SBF2: variants seen among roughly 807,000 people sequenced by gnomAD.
SBF2 encodes the protein myotubularin-related protein 13.
Under a neutral mutation model 225.2 loss-of-function variants are expected in SBF2, and 112 were observed. That is an observed-to-expected ratio of 0.50 (90% confidence interval 0.43 to 0.58). SBF2 has a LOEUF of 0.58. Ranked by LOEUF, SBF2 falls within the 20% of genes least tolerant of loss-of-function variation. The probability of loss-of-function intolerance (pLI) is 0.00; values close to 1 mark genes in which losing one functional copy is unlikely to be tolerated. For synonymous variants in SBF2, 763 were observed against 773.3 expected (o/e 0.99, Z 0.22); for missense variants, 1,996 against 2,206.2 (o/e 0.90, Z 1.91).
At chr11:10,077,979 A>G (rs1951189079) in intron 2 of SBF2, among the ~76,000 whole-genome samples, 1 of 152,262 alleles carries the variant, frequency 6.6e-6, no homozygotes, top group Non-Finnish European at 1.5e-5. Flanking sequence ...TGGGCAAAGG[A>G]TATGAACAGA....
At chr11:9,931,500 A>G (rs1178293664) in intron 16 of SBF2, among the ~76,000 whole-genome samples, 1 of 152,168 alleles carries the variant, frequency 6.6e-6, no homozygotes, top group East Asian at 1.9e-4. Context: ...TCTGGAGTGG[A>G]CCTCCAGCAA....
intron 2 of SBF2, among the ~76,000 whole-genome samples, chr11:10,181,963 T>C (rs914726986): frequency 2.0e-5 from 3 of 152,292 alleles, no homozygotes; most frequent in Admixed American, 1.3e-4. Flanking sequence ...CATTGGTGAC[T>C]TTTTATAGAC....
In SBF2 at chr11:9,789,180, T is replaced by C. The variant is rs1292392897; in HGVS notation, c.4861A>G (p.Arg1621Gly). The stretch of plus-strand genomic sequence containing the variant: ...TCATAGCATGGCCACACTGTTCTCC[T>C]CTGGCTCCGTGGCCCAGCTTCTCCA... ...LAGEAGPRSQ[R>G]RTVWPCYDDV... Residue 1621 changes from arginine (R) to glycine (G), a missense_variant, in exon 35 of 40, where the codon AGG (arginine) becomes GGG (glycine). Transcript: ENST00000256190. The C allele has an allele frequency of 5.0e-6, 8 of 1,614,002 alleles. No homozygotes were observed. The highest frequency in any genetic ancestry group is 5.9e-6 in the Non-Finnish European group (7 of 1,180,036).
Position 10,127,423 on chromosome 11 carries a change from C to T in SBF2, c.141+66479G>A, listed in dbSNP as rs1156411077. 7.9e-5 allele frequency among the ~76,000 whole-genome samples: 12 copies of T among 152,050 alleles called. No homozygotes were observed. In the East Asian group the frequency reaches 2.1e-3, roughly 27 times the overall value. ...CTCACAATATTCTAAAAGAGTCATG[C>T]TAATTCCTCCAATGCATCCTTTTCT... On this transcript the variant is annotated intron_variant, in intron 2 of 39. Coordinates refer to ENST00000256190, the MANE Select transcript of SBF2 (RefSeq NM_030962.4).
chr11:10,064,228 T>C (rs1462541019), intron 2 of SBF2, among the ~76,000 whole-genome samples: 2 of 152,158 alleles, frequency 1.3e-5, no homozygotes, highest in African/African-American at 4.8e-5. Flanking sequence ...TCTTGCTGTA[T>C]AGTTCTTATA....
chr11:10,171,876 G>A (rs183786246), intron 2 of SBF2, among the ~76,000 whole-genome samples: 61 of 152,222 alleles, frequency 4.0e-4, no homozygotes, highest in African/African-American at 1.2e-3. Context: ...ATCTTGGTAC[G>A]TTGTAAATCT....
In SBF2 at chr11:9,985,787, T is replaced by C. The variant is rs367773971; in HGVS notation, c.1395+3710A>G. Among the ~76,000 whole-genome samples the C allele has an allele frequency of 1.6e-4, 24 of 152,080 alleles. No individual in the cohort carries two copies. The East Asian group carries it at 2.7e-3, about 17-fold the overall frequency. Reference sequence around the variant, plus strand: ...TGGAGCTCCCAAATTTATAAAACAATTACTAATAGACCTAAGAAATGAGAT... The same window carrying C: ...TGGAGCTCCCAAATTTATAAAACAACTACTAATAGACCTAAGAAATGAGAT... On this transcript the variant is annotated intron_variant, in intron 13 of 39. Transcript: ENST00000256190.
At position 10,171,496 on chromosome 11, in the gene SBF2, C is replaced by A. The variant is rs137951640; in HGVS notation, c.141+22406G>T. On this transcript the variant is annotated intron_variant, in intron 2 of 39. Transcript: ENST00000256190. ...ATCCCTGGGATAAATCCTACTTGGT[C>A]ATGATGAAGGATCTTTTAAACATTT... Among the ~76,000 whole-genome samples the A allele has an allele frequency of 1.8e-4, 27 of 152,274 alleles. No individual in the cohort carries two copies. In the East Asian group the frequency reaches 5.2e-3, roughly 29 times the overall value.
At chr11:10,300,866 C>G (rs1179377330) in intron 1 of SBF2, among the ~76,000 whole-genome samples, 1 of 141,010 alleles carries the variant, frequency 7.1e-6, no homozygotes, top group Non-Finnish European at 1.5e-5. Context: ...CCAGGCTGGT[C>G]TTGAACTCCT....
At chr11:10,274,380 T>G (rs1204397342) in intron 1 of SBF2, among the ~76,000 whole-genome samples, 2 of 152,154 alleles carry the variant, frequency 1.3e-5, no homozygotes, top group African/African-American at 2.4e-5. Flanking sequence ...TTCTGTAGTG[T>G]TTAAAATTAC....
chr11:9,980,478 G>A (rs1200696845), intron 13 of SBF2, among the ~76,000 whole-genome samples: 6 of 151,816 alleles, frequency 4.0e-5, no homozygotes, highest in Non-Finnish European at 5.9e-5. Flanking sequence ...TATGGCTAAT[G>A]ATTTCTGCAT....
chr11:10,301,017 C>T (rs1328229221), intron 1 of SBF2, among the ~76,000 whole-genome samples: 1 of 152,122 alleles, frequency 6.6e-6, no homozygotes, highest in Admixed American at 6.5e-5. Context: ...TGCCTTCTGG[C>T]TTTACCATGT....
At chr11:9,870,712 A>C (rs1027682092) in intron 17 of SBF2, among the ~76,000 whole-genome samples, 7 of 152,228 alleles carry the variant, frequency 4.6e-5, no homozygotes, top group African/African-American at 1.7e-4. Context: ...ACAGTGGCTC[A>C]TGCCTGTAAT....
intron 6 of SBF2, among the ~76,000 whole-genome samples, chr11:10,017,543 T>C (rs572578289): frequency 2.6e-5 from 4 of 152,332 alleles, no homozygotes; most frequent in Non-Finnish European, 4.4e-5. Flanking sequence ...TAAAACTTTA[T>C]ATAAAGTTTC....
chr11:9,965,681 T>C (rs4576815), intron 14 of SBF2, among the ~76,000 whole-genome samples: 38,639 of 152,164 alleles, frequency 0.25, 5,470 homozygotes, highest in Admixed American at 0.35. Flanking sequence ...CTTCCCCCTA[T>C]GGTGACATCT....
At chr11:10,263,823 A>G (rs1284032450) in intron 1 of SBF2, among the ~76,000 whole-genome samples, 1 of 152,224 alleles carries the variant, frequency 6.6e-6, no homozygotes, top group East Asian at 1.9e-4. Flanking sequence ...AAGGTGAGGA[A>G]ACACTTGAAC....
At position 10,256,509 on chromosome 11, in the gene SBF2, A is replaced by T. The variant is rs114256232; in HGVS notation, c.55+37506T>A. On this transcript the variant is annotated intron_variant, in intron 1 of 39. Coordinates refer to ENST00000256190, the MANE Select transcript of SBF2 (RefSeq NM_030962.4). ...CCTGGTCCAGGTAATTGTGGCAAAG[A>T]AGAATGGCTTCATAACAAAGCATAA... is the stretch of plus-strand genomic sequence containing the variant. 5.9e-3 allele frequency among the ~76,000 whole-genome samples: 895 copies of T among 152,350 alleles called. 6 individuals are homozygous for T. The highest frequency in any genetic ancestry group is 0.027 in the Middle Eastern group (8 of 294).
rs115858150 is a variant in SBF2 at position 10,195,714 on chromosome 11, C to A, written c.56-1727G>T. ...TAAATGGAAAGTGACATTCACTTTA[C>A]TGACCAACTCAGAACTGTATTCTGA... is the stretch of plus-strand genomic sequence containing the variant. On this transcript the variant is annotated intron_variant, in intron 1 of 39. Transcript: ENST00000256190. Among the ~76,000 whole-genome samples the A allele has an allele frequency of 5.3e-3, 801 of 152,298 alleles. 8 individuals carry two copies. The highest frequency in any genetic ancestry group is 0.018 in the African/African-American group (749 of 41,574).
In SBF2 at chr11:9,845,654, C is replaced by A. The variant is rs751558202; in HGVS notation, c.3021G>T (p.Gln1007His). Residue 1007 changes from glutamine (Q) to histidine (H), a missense_variant, in exon 24 of 40, where the codon CAG becomes CAT. Gln to His is a conservative substitution (Grantham distance 24). Coordinates refer to ENST00000256190, the MANE Select transcript of SBF2 (RefSeq NM_030962.4). ...KKQLMKFRYP[Q>H]SIFSTFAFAA... ...CAAAAGCAAAGGTACTGAAAATGGA[C>A]TGAGGATAACGGAACTTCATCAGCT... is the stretch of plus-strand genomic sequence containing the variant. 6.2e-7 allele frequency: 1 copy of A among 1,613,894 alleles called. No homozygotes were observed. Among genetic ancestry groups the A allele is most frequent in the South Asian group, 1.1e-5 (1 of 91,078 alleles).
Sources: gnomAD v4.1 joint callset for allele counts (sites outside exome capture counted in the v4.1 genomes callset) on GRCh38, gnomAD v4.1.1 for gene constraint, MANE v1.5 for transcripts, NCBI Gene and HGNC (gene_info 2026-07-23, HGNC 2026-07-21) for gene names.